The following ORC2 variants were observed in gnomAD, a reference collection of about 807,000 sequenced individuals.
The protein encoded by ORC2 is origin recognition complex subunit 2.
In ORC2, 37 loss-of-function variants were observed where a neutral mutation model predicts 77.7. The observed-to-expected ratio is 0.48, with a 90% CI of 0.37 to 0.63. The LOEUF is 0.63. Among genes scored for constraint, ORC2 ranks in the 20% least tolerant of loss-of-function variants. The probability of loss-of-function intolerance (pLI) is 0.00; values close to 1 mark genes in which losing one functional copy is unlikely to be tolerated. For missense variants in ORC2, 557 were observed against 661.9 expected, an observed-to-expected ratio of 0.84 and a Z score of 1.74; for synonymous variants, 201 against 229.5, an observed-to-expected ratio of 0.88 and a Z score of 1.12.
At chr2:200,917,082 C>A (rs1447562023) in intron 15 of ORC2, among the ~76,000 whole-genome samples, 2 of 148,164 alleles carry the variant, frequency 1.3e-5, no homozygotes, top group African/African-American at 5.1e-5. Flanking sequence ...GCAACCTTTA[C>A]CTCCTGGGTT....
At chr2:200,923,128 A>G (rs150617743) in intron 13 of ORC2, among the ~76,000 whole-genome samples, 2 of 152,334 alleles carry the variant, frequency 1.3e-5, no homozygotes, top group East Asian at 3.9e-4. Flanking sequence ...ATTAAGTTCT[A>G]TGCTGCTGCA....
At chr2:200,923,752 A>C (rs894164462) in intron 13 of ORC2, among the ~76,000 whole-genome samples, 12 of 152,150 alleles carry the variant, frequency 7.9e-5, no homozygotes, top group Non-Finnish European at 4.4e-5. Flanking sequence ...CCAAATCACC[A>C]ACAAAAAAGC....
intron 2 of ORC2, 51 bp from the exon 3 acceptor site, chr2:200,958,184 C>T: frequency 2.0e-6 from 2 of 1,024,296 alleles, no homozygotes; most frequent in Non-Finnish European, 1.5e-6. Context: ...TCATATCAAC[C>T]ACCAAATTAA....
At chr2:200,963,276 C>A (rs1575194258) in intron 1 of ORC2, 1 of 396,320 alleles carries the variant, frequency 2.5e-6, no homozygotes, top group Admixed American at 4.4e-5. Flanking sequence ...TGGCTGCGCT[C>A]CACCAGTAAG....
intron 13 of ORC2, among the ~76,000 whole-genome samples, chr2:200,923,240 T>C (rs1397372394): frequency 6.6e-6 from 1 of 152,128 alleles, no homozygotes; most frequent in Non-Finnish European, 1.5e-5. Context: ...TAAAGGCAAT[T>C]TTATTTTTAT....
chr2:200,962,550 T>C (rs2041599901), intron 1 of ORC2, among the ~76,000 whole-genome samples: 1 of 152,246 alleles, frequency 6.6e-6, no homozygotes, highest in Non-Finnish European at 1.5e-5. Flanking sequence ...ATGTGCCTGA[T>C]ATATAAAAGA....
chr2:200,921,249 T>C, intron 13 of ORC2, 110 bp from the exon 14 acceptor site: 1 of 564,686 alleles, frequency 1.8e-6, no homozygotes, highest in Admixed American at 3.6e-5. Context: ...AGCCTCCAAC[T>C]CCTGGACTCA....
intron 4 of ORC2, among the ~76,000 whole-genome samples, chr2:200,956,611 T>G (rs1360607278): frequency 1.3e-5 from 2 of 152,056 alleles, no homozygotes; most frequent in African/African-American, 4.8e-5. Flanking sequence ...ATCACAGGCG[T>G]GAGCCACCAT....
intron 1 of ORC2, among the ~76,000 whole-genome samples, chr2:200,961,550 A>G (rs551156042): frequency 1.3e-5 from 2 of 152,326 alleles, no homozygotes; most frequent in South Asian, 2.1e-4. Context: ...AGGTAACTAT[A>G]GAATGTCCAA....
At chr2:200,944,353 TTAG>T (rs2125008152) in intron 5 of ORC2, among the ~76,000 whole-genome samples, 2 of 152,242 alleles carry the variant, frequency 1.3e-5, no homozygotes, top group South Asian at 4.1e-4. Context: ...TTTTGTATTT[TTAG>T]TAGAGCGGGG....
Position 200,935,879 on chromosome 2 carries a change from A to G in ORC2, c.528T>C (p.His176=), listed in dbSNP as rs1242581808. The G allele has an allele frequency of 6.2e-7, 1 of 1,613,130 alleles. No homozygotes were observed. The highest frequency in any genetic ancestry group is 8.5e-7 in the Non-Finnish European group (1 of 1,179,770). The part of the protein sequence containing the change: ...LRKRLIVPRS[H]SDSESEYSAS... ...CAGAATATTCGCTTTCACTGTCAGA[A>G]TGAGACCTTGGAACTGTGGGGGGAA... The change falls in exon 9 of 18, where the codon CAT becomes CAC. Residue 176 remains histidine, a synonymous_variant. Coordinates refer to ENST00000234296, the MANE Select transcript of ORC2 (RefSeq NM_006190.5).
At chr2:200,914,247 G>A (rs1317062394) in intron 15 of ORC2, among the ~76,000 whole-genome samples, 3 of 149,746 alleles carry the variant, frequency 2.0e-5, no homozygotes, top group East Asian at 3.9e-4. Context: ...CTCACTGCAA[G>A]CTCTGCCTCC....
chr2:200,932,681 G>A (rs984740680), intron 10 of ORC2, among the ~76,000 whole-genome samples: 2 of 151,970 alleles, frequency 1.3e-5, no homozygotes, highest in Non-Finnish European at 2.9e-5. Context: ...CTGCACTTTC[G>A]ACCCCAATAT....
In ORC2 at chr2:200,913,433, A is replaced by G. The variant is rs565939458; in HGVS notation, c.1529-20T>C. The G allele has an allele frequency of 6.4e-7, 1 of 1,570,830 alleles. No individual in the cohort carries two copies. Among genetic ancestry groups the G allele is most frequent in the South Asian group, 1.1e-5 (1 of 89,626 alleles). On this transcript the variant is annotated intron_variant, in intron 16 of 17. Coordinates refer to ENST00000234296, the MANE Select transcript of ORC2 (RefSeq NM_006190.5). ...AAAGGCCTGGCAAGTTCAAAAGGATATGAACATAAGTCAGCACTTAAGACA... is the reference window on the plus strand; with the variant it reads ...AAAGGCCTGGCAAGTTCAAAAGGATGTGAACATAAGTCAGCACTTAAGACA...
In ORC2 at chr2:200,909,373, G is replaced by A. The variant is rs1420641404; in HGVS notation, c.*1928C>T. The A allele has an allele frequency of 5.9e-5, 9 of 152,100 alleles. No individual in the cohort carries two copies. The highest frequency in any genetic ancestry group is 2.2e-4 in the African/African-American group (9 of 41,426). 9.4% of individuals were successfully genotyped at this position (152,100 alleles called of 1,614,324 possible). A position where few individuals can be genotyped will look rare whatever the true frequency, so the allele number is the denominator to read the frequency against. ...AAAAATTTTTTTAAATCACATTTAT[G>A]TACAAATTTGTTTAAACATTTTGAC... On this transcript the variant is annotated 3_prime_UTR_variant, in exon 18 of 18. Coordinates refer to ENST00000234296, the MANE Select transcript of ORC2 (RefSeq NM_006190.5).
At chr2:200,935,467 G>T (rs907827084) in intron 9 of ORC2, among the ~76,000 whole-genome samples, 6 of 152,186 alleles carry the variant, frequency 3.9e-5, no homozygotes, top group African/African-American at 1.4e-4. Context: ...GTCACTTTTA[G>T]CATATACTAT....
At chr2:200,960,840 A>G (rs1381187323) in intron 1 of ORC2, among the ~76,000 whole-genome samples, 1 of 150,938 alleles carries the variant, frequency 6.6e-6, no homozygotes, top group African/African-American at 2.4e-5. Flanking sequence ...GCAGAGGCTC[A>G]GTTTCAGCTC....
chr2:200,910,285 G>A lies in ORC2; in HGVS notation c.*1016C>T, dbSNP rs1320532947. On this transcript the variant is annotated 3_prime_UTR_variant, in exon 18 of 18. Transcript: ENST00000234296. Reference sequence around the variant, plus strand: ...AAGCTGACAACAGTAGCCAAGGTGAGCCTTTTTTCTTTCCTAAGAAAAAAG... The same window carrying A: ...AAGCTGACAACAGTAGCCAAGGTGAACCTTTTTTCTTTCCTAAGAAAAAAG... The A allele has an allele frequency of 6.6e-6, 1 of 152,068 alleles. No individual in the cohort carries two copies. Among genetic ancestry groups the A allele is most frequent in the Non-Finnish European group, 1.5e-5 (1 of 68,018 alleles). 9.4% of individuals were successfully genotyped at this position (152,068 alleles called of 1,614,324 possible). A position where few individuals can be genotyped will look rare whatever the true frequency, so the allele number is the denominator to read the frequency against.
At chr2:200,915,003 CTTTTTTTTTTTTTTT>C (rs1158807101) in intron 15 of ORC2, among the ~76,000 whole-genome samples, 5 of 65,272 alleles carry the variant, frequency 7.7e-5, no homozygotes, top group African/African-American at 1.3e-4. Flanking sequence ...CTTCCCACGT[CTTTTTTTTTTTTTTT>C]TTTTTTTTTT....
Sources: gnomAD v4.1 joint callset for allele counts (sites outside exome capture counted in the v4.1 genomes callset) on GRCh38, gnomAD v4.1.1 for gene constraint, MANE v1.5 for transcripts, NCBI Gene and HGNC (gene_info 2026-07-23, HGNC 2026-07-21) for gene names.